The following HSD17B12 variants were observed in gnomAD, a reference collection of about 807,000 sequenced individuals.
The protein encoded by HSD17B12 is very-long-chain 3-oxoacyl-CoA reductase.
In HSD17B12, 32 loss-of-function variants were observed where a neutral mutation model predicts 39.3. That is an observed-to-expected ratio of 0.81 (90% CI 0.61 to 1.09). The LOEUF is 1.09. Among genes scored for constraint, HSD17B12 ranks in the 50% least tolerant of loss-of-function variants. The pLI is 0.00. For missense variants in HSD17B12, 342 were observed against 382.9 expected, an observed-to-expected ratio of 0.89 and a Z score of 0.89; for synonymous variants, 150 against 146.7, an observed-to-expected ratio of 1.02 and a Z score of -0.16.
chr11:43,605,450 A>G, the HSD17B12 span, among the ~76,000 whole-genome samples: 6 of 151,836 alleles, frequency 4.0e-5, no homozygotes, highest in African/African-American at 1.2e-4. Flanking sequence ...AACTCCAGCT[A>G]CTTGGGAGGC....
the HSD17B12 span, among the ~76,000 whole-genome samples, chr11:43,665,530 T>G: frequency 5.9e-5 from 9 of 152,174 alleles, no homozygotes; most frequent in African/African-American, 2.2e-4. Flanking sequence ...TAACTACTAT[T>G]GATGAGAATG....
chr11:43,855,272 T>G lies in HSD17B12; in HGVS notation c.*24T>G, dbSNP rs754668712. ...AAGCATTGATAACTGCATTGTAACTTGGCCAGATGCTCCAGCATATGCACG... is the reference window on the plus strand; with the variant it reads ...AAGCATTGATAACTGCATTGTAACTGGGCCAGATGCTCCAGCATATGCACG... On this transcript the variant is annotated 3_prime_UTR_variant, in exon 11 of 11. Coordinates refer to ENST00000278353, the MANE Select transcript of HSD17B12 (RefSeq NM_016142.3). The G allele has an allele frequency of 6.8e-7, 1 of 1,465,580 alleles. No homozygotes were observed. 90.8% of individuals were successfully genotyped at this position (1,465,580 alleles called of 1,614,324 possible). A position where few individuals can be genotyped will look rare whatever the true frequency, so the allele number is the denominator to read the frequency against.
At chr11:43,634,660 C>T in the HSD17B12 span, among the ~76,000 whole-genome samples, 1 of 152,154 alleles carries the variant, frequency 6.6e-6, no homozygotes, top group East Asian at 1.9e-4. Flanking sequence ...ATTCGAAATT[C>T]CACAGGATCT....
chr11:43,808,333 A>G (rs1231976549), intron 4 of HSD17B12, among the ~76,000 whole-genome samples: 4 of 151,166 alleles, frequency 2.6e-5, no homozygotes, highest in Non-Finnish European at 1.5e-5. Context: ...CATCAGGAAC[A>G]TTATCAGACT....
intron 1 of HSD17B12, among the ~76,000 whole-genome samples, chr11:43,721,826 A>G (rs1950179196): frequency 6.6e-6 from 1 of 152,156 alleles, no homozygotes; most frequent in African/African-American, 2.4e-5. Flanking sequence ...GAAGTCATTG[A>G]AGGAATTGAA....
intron 1 of HSD17B12, among the ~76,000 whole-genome samples, chr11:43,687,712 C>T (rs1949814845): frequency 6.6e-6 from 1 of 152,190 alleles, no homozygotes; most frequent in Non-Finnish European, 1.5e-5. Flanking sequence ...ATGAGCAGGG[C>T]CTTCAGCCTT....
At chr11:43,609,344 AAATATATAT>A in the HSD17B12 span, among the ~76,000 whole-genome samples, 1 of 148,280 alleles carries the variant, frequency 6.7e-6, no homozygotes, top group African/African-American at 2.4e-5. Flanking sequence ...TAAAAATATA[AAATATATAT>A]AATATATAAA....
chr11:43,791,470 T>C (rs1950867065), intron 3 of HSD17B12, among the ~76,000 whole-genome samples: 2 of 151,592 alleles, frequency 1.3e-5, no homozygotes, highest in Admixed American at 1.3e-4. Flanking sequence ...AGGCAGAGGT[T>C]GCAGTGAGCT....
intron 3 of HSD17B12, chr11:43,755,282 T>C (rs1950498808): frequency 6.3e-6 from 1 of 158,744 alleles, no homozygotes; most frequent in African/African-American, 2.4e-5. Flanking sequence ...ATGTAAAATA[T>C]TGGAAGAACT....
the HSD17B12 span, among the ~76,000 whole-genome samples, chr11:43,659,556 A>G: frequency 6.6e-6 from 1 of 152,158 alleles, no homozygotes; most frequent in Admixed American, 6.5e-5. Context: ...TGATGCAAAA[A>G]TTTCTTAGAT....
At chr11:43,583,340 TCCTCG>T in the HSD17B12 span, among the ~76,000 whole-genome samples, 25 of 152,286 alleles carry the variant, frequency 1.6e-4, no homozygotes, top group Non-Finnish European at 2.4e-4. Flanking sequence ...GCGAGTCCTC[TCCTCG>T]CCTCGCCTCG....
chr11:43,681,062 GGGGTCTGCTCCT>G, intron 1 of HSD17B12, 75 bp downstream of exon 1: 1 of 1,457,814 alleles, frequency 6.9e-7, no homozygotes, highest in Non-Finnish European at 9.1e-7. Context: ...GACTAGTTCT[GGGGTCTGCTCCT>G]GGCCTTCCCC....
At chr11:43,795,507 C>G (rs1365993516) in intron 3 of HSD17B12, among the ~76,000 whole-genome samples, 1 of 152,160 alleles carries the variant, frequency 6.6e-6, no homozygotes, top group Non-Finnish European at 1.5e-5. Context: ...CAACCATGTC[C>G]CTGGTCAATA....
intron 4 of HSD17B12, among the ~76,000 whole-genome samples, chr11:43,801,758 C>T (rs978419927): frequency 4.6e-5 from 7 of 151,780 alleles, no homozygotes; most frequent in African/African-American, 1.7e-4. Flanking sequence ...TGGAGATCAT[C>T]CAAGGAGAAT....
At chr11:43,673,000 A>G in the HSD17B12 span, 1 of 152,224 alleles carries the variant, frequency 6.6e-6, no homozygotes, top group Non-Finnish European at 1.5e-5. Context: ...GGATTGGACA[A>G]CTGAATTTAA....
At chr11:43,832,375 A>G (rs1951320023) in intron 7 of HSD17B12, among the ~76,000 whole-genome samples, 1 of 152,260 alleles carries the variant, frequency 6.6e-6, no homozygotes, top group African/African-American at 2.4e-5. Context: ...AGGAATTTTT[A>G]ATTATGTTGA....
chr11:43,665,869 C>T, the HSD17B12 span, among the ~76,000 whole-genome samples: 1 of 152,158 alleles, frequency 6.6e-6, no homozygotes, highest in Admixed American at 6.5e-5. Context: ...TAAATCCAAC[C>T]CTTGGCCTGG....
chr11:43,668,937 C>G, the HSD17B12 span, among the ~76,000 whole-genome samples: 2 of 152,090 alleles, frequency 1.3e-5, no homozygotes, highest in East Asian at 3.8e-4. Context: ...AAGCAATCCT[C>G]TATGCCTTGG....
the HSD17B12 span, among the ~76,000 whole-genome samples, chr11:43,649,904 T>C: frequency 4.6e-5 from 7 of 152,150 alleles, no homozygotes; most frequent in Non-Finnish European, 1.0e-4. Context: ...GAAGAAGCCC[T>C]GGAGGATGCG....
Sources: gnomAD v4.1 joint callset for allele counts (sites outside exome capture counted in the v4.1 genomes callset) on GRCh38, gnomAD v4.1.1 for gene constraint, MANE v1.5 for transcripts, NCBI Gene and HGNC (gene_info 2026-07-23, HGNC 2026-07-21) for gene names.